PTGR3: variants seen among roughly 807,000 people sequenced by gnomAD.
The protein encoded by PTGR3 is zinc binding alcohol dehydrogenase domain containing 2.
the PTGR3 span, chr18:75,195,810 A>G: frequency 6.6e-6 from 1 of 152,280 alleles, no homozygotes; most frequent in Admixed American, 6.5e-5. Context: ...ACTACTCAGG[A>G]GGCTGAGGTG....
At chr18:75,201,278 A>C in the PTGR3 span, 1 of 704,594 alleles carries the variant, frequency 1.4e-6, no homozygotes, top group East Asian at 2.8e-5. Context: ...GGAGAAGGAG[A>C]GACCTATTCA....
the PTGR3 span, among the ~76,000 whole-genome samples, chr18:75,208,135 G>C: frequency 2.6e-5 from 4 of 152,302 alleles, no homozygotes; most frequent in African/African-American, 7.2e-5. Flanking sequence ...AGAAGGTCTC[G>C]CAACAACCCG....
the PTGR3 span, chr18:75,202,211 G>C: frequency 1.2e-6 from 2 of 1,614,134 alleles, no homozygotes; most frequent in Non-Finnish European, 1.7e-6. Flanking sequence ...CTGTGTATCT[G>C]GCACTAGCAG....
At chr18:75,202,556 TTTTCC>T in the PTGR3 span, among the ~76,000 whole-genome samples, 5 of 152,136 alleles carry the variant, frequency 3.3e-5, no homozygotes, top group South Asian at 2.1e-4. Flanking sequence ...TTGGCATATT[TTTTCC>T]TTTCATCAGT....
the PTGR3 span, chr18:75,208,340 C>CA: frequency 2.0e-6 from 2 of 986,516 alleles, no homozygotes; most frequent in Non-Finnish European, 2.4e-6. Context: ...CAGGCTCCGC[C>CA]ACTGCGAGGC....
chr18:75,208,399 C>A, the PTGR3 span: 1 of 989,318 alleles, frequency 1.0e-6, no homozygotes, highest in South Asian at 4.7e-5. Context: ...TCCCAGCCTC[C>A]TTCCTCCGAA....
the PTGR3 span, chr18:75,208,569 G>A: frequency 3.8e-6 from 4 of 1,059,418 alleles, no homozygotes; most frequent in Admixed American, 5.0e-5. Context: ...GGGGGAGGAG[G>A]GAGGGCTGGA....
the PTGR3 span, chr18:75,202,402 G>C: frequency 6.6e-7 from 1 of 1,505,030 alleles, no homozygotes; most frequent in Non-Finnish European, 9.0e-7. Context: ...TTTAGATTCT[G>C]CTTAGAGAAA....
the PTGR3 span, chr18:75,201,376 C>A: frequency 1.3e-6 from 2 of 1,515,570 alleles, no homozygotes; most frequent in African/African-American, 2.8e-5. Context: ...CATAAAGTGC[C>A]CATTTTCTTT....
At chr18:75,208,176 G>A in the PTGR3 span, among the ~76,000 whole-genome samples, 1 of 152,218 alleles carries the variant, frequency 6.6e-6, no homozygotes, top group Non-Finnish European at 1.5e-5. Flanking sequence ...AAACGTGCCG[G>A]CAAAGGCAGC....
chr18:75,202,070 T>C, the PTGR3 span: 2 of 1,614,120 alleles, frequency 1.2e-6, no homozygotes, highest in Non-Finnish European at 1.7e-6. Context: ...GGCTGATGTA[T>C]GCGGTGGTGC....
At chr18:75,201,948 A>G in the PTGR3 span, 18 of 1,614,218 alleles carry the variant, frequency 1.1e-5, no homozygotes, top group African/African-American at 1.3e-4. Flanking sequence ...GCAGGTTCCA[A>G]TTACATGGCA....
At chr18:75,195,512 C>G in the PTGR3 span, 3 of 152,232 alleles carry the variant, frequency 2.0e-5, no homozygotes, top group Non-Finnish European at 2.9e-5. Flanking sequence ...CCAACGGGCT[C>G]TGTAACCTTG....
the PTGR3 span, chr18:75,197,006 T>A: frequency 6.6e-6 from 1 of 152,218 alleles, no homozygotes; most frequent in Non-Finnish European, 1.5e-5. Flanking sequence ...ATCTGATACA[T>A]ATTATTAAAA....
chr18:75,200,837 C>T, the PTGR3 span: 1 of 152,104 alleles, frequency 6.6e-6, no homozygotes, highest in East Asian at 1.9e-4. Context: ...TCTGTGTTCA[C>T]GGAATCATTT....
At chr18:75,205,596 C>A in the PTGR3 span, 7 of 636,456 alleles carry the variant, frequency 1.1e-5, no homozygotes, top group African/African-American at 1.2e-4. Context: ...ACAGAGCGAT[C>A]CTGCGCAGGG....
the PTGR3 span, chr18:75,200,106 G>A: frequency 6.6e-6 from 1 of 152,158 alleles, no homozygotes; most frequent in Non-Finnish European, 1.5e-5. Context: ...TAGATACACC[G>A]AAACCTAAGA....
At chr18:75,207,569 G>A in the PTGR3 span, among the ~76,000 whole-genome samples, 4 of 152,000 alleles carry the variant, frequency 2.6e-5, no homozygotes, top group African/African-American at 2.4e-5. Context: ...ACATTTTCAA[G>A]GATCCCTACA....
the PTGR3 span, chr18:75,205,563 C>G: frequency 1.1e-6 from 1 of 874,484 alleles, no homozygotes; most frequent in Non-Finnish European, 1.4e-6. Flanking sequence ...AGTGCTAAAC[C>G]CCCTCGTCAT....
Sources: gnomAD v4.1 joint callset for allele counts (sites outside exome capture counted in the v4.1 genomes callset) on GRCh38, gnomAD v4.1.1 for gene constraint, MANE v1.5 for transcripts, NCBI Gene and HGNC (gene_info 2026-07-23, HGNC 2026-07-21) for gene names.